The following LIFR variants were observed in gnomAD, a reference collection of about 807,000 sequenced individuals.
LIFR encodes the protein LIF receptor subunit alpha.
A neutral mutation model predicts 122.2 loss-of-function variants in LIFR; 84 were observed. That is an observed-to-expected ratio of 0.69 (90% CI 0.58 to 0.82). The LOEUF (loss-of-function observed/expected upper bound fraction) is 0.82. Among genes scored for constraint, LIFR ranks in the 40% least tolerant of loss-of-function variants. LIFR has a pLI of 0.00. For missense variants in LIFR, 1,294 were observed against 1,311.6 expected (o/e 0.99, Z 0.21); for synonymous variants, 422 against 434.7 (o/e 0.97, Z 0.36).
chr5:38,607,460 A>G (rs1305184881), intron 1 of LIFR: 2 of 151,832 alleles, frequency 1.3e-5, no homozygotes, highest in Non-Finnish European at 2.9e-5. Context: ...TCAAACTCCC[A>G]TCTTCACTCC....
intron 2 of LIFR, among the ~76,000 whole-genome samples, chr5:38,529,128 G>T (rs1180214488): frequency 6.6e-6 from 1 of 151,928 alleles, no homozygotes; most frequent in Non-Finnish European, 1.5e-5. Flanking sequence ...GGGTTAGGCT[G>T]CTATCAAAAA....
chr5:38,502,628 T>C lies in LIFR; in HGVS notation c.1600+9A>G, dbSNP rs1479849800. 8.1e-6 allele frequency: 13 copies of C among 1,605,788 alleles called. No homozygotes were observed. Among genetic ancestry groups the C allele is most frequent in the Non-Finnish European group, 1.1e-5 (13 of 1,173,200 alleles). On this transcript the variant is annotated intron_variant, in intron 11 of 19. Coordinates refer to ENST00000453190, the MANE Select transcript of LIFR (RefSeq NM_001127671.2). ...TAATTATTAGCCATACATCACTTAG[T>C]TAACTTACTGGCTTCTGTTGTTAAA...
At chr5:38,607,500 C>T (rs193067942) in intron 1 of LIFR, 1 of 147,260 alleles carries the variant, frequency 6.8e-6, no homozygotes, top group Non-Finnish European at 1.5e-5. Context: ...CTCTCTCACT[C>T]TCTCTCATAT....
upstream of LIFR, among the ~76,000 whole-genome samples, chr5:38,598,969 C>G (rs993892779): frequency 6.6e-6 from 1 of 152,260 alleles, no homozygotes; most frequent in East Asian, 1.9e-4. Context: ...CTATGATTAT[C>G]CTTATCTTGT....
chr5:38,508,609 C>T (rs1185312060), intron 7 of LIFR, among the ~76,000 whole-genome samples: 1 of 151,772 alleles, frequency 6.6e-6, no homozygotes, highest in Admixed American at 6.6e-5. Flanking sequence ...CGGAGTCTCG[C>T]TCTGTCACCC....
chr5:38,503,910 C>T, intron 10 of LIFR, 66 bp downstream of exon 10: 1 of 1,182,562 alleles, frequency 8.5e-7, no homozygotes, highest in Non-Finnish European at 1.3e-6. Flanking sequence ...TATCAATTTG[C>T]TTAATTCTTT....
chr5:38,522,753 C>T (rs1401280825), intron 5 of LIFR, among the ~76,000 whole-genome samples: 1 of 152,062 alleles, frequency 6.6e-6, no homozygotes, highest in Non-Finnish European at 1.5e-5. Flanking sequence ...ATTATCTTTA[C>T]TATTTTATCT....
At chr5:38,538,248 T>G (rs564190668) in intron 1 of LIFR, among the ~76,000 whole-genome samples, 1 of 152,226 alleles carries the variant, frequency 6.6e-6, no homozygotes, top group African/African-American at 2.4e-5. Context: ...CTTAGCCTAC[T>G]GCTCCTTCTA....
At chr5:38,554,626 G>A (rs1748415218) in intron 1 of LIFR, among the ~76,000 whole-genome samples, 1 of 152,150 alleles carries the variant, frequency 6.6e-6, no homozygotes, top group East Asian at 1.9e-4. Flanking sequence ...GGGAGCTGGT[G>A]CACAGTATAC....
chr5:38,567,494 C>CTTTATTTA (rs1347897581), intron 1 of LIFR, among the ~76,000 whole-genome samples: 4 of 88,312 alleles, frequency 4.5e-5, no homozygotes, highest in Admixed American at 2.3e-4. Flanking sequence ...TATGACCATT[C>CTTTATTTA]TGTATTTATT....
At chr5:38,532,764 C>A (rs1010271825) in intron 1 of LIFR, among the ~76,000 whole-genome samples, 3 of 152,184 alleles carry the variant, frequency 2.0e-5, no homozygotes, top group African/African-American at 7.2e-5. Flanking sequence ...TGGGCCAGAA[C>A]AATACATGAA....
chr5:38,511,163 A>G (rs3099126), intron 6 of LIFR, among the ~76,000 whole-genome samples: 127,263 of 152,104 alleles, frequency 0.84, 53,480 homozygotes, highest in East Asian at 0.98. Flanking sequence ...ACTTTCCATC[A>G]GCCTAAATAT....
rs571242623 is a variant in LIFR, at chr5:38,569,881, G to A, written c.-20+25380C>T. Among the ~76,000 whole-genome samples, 18 of 152,180 alleles carry A rather than the reference G, an allele frequency of 1.2e-4. No individual in the cohort carries two copies. In the East Asian group the frequency reaches 3.1e-3, roughly 26 times the overall value. ...TCTGCCTAGAGTATGTTGCTTATTT[G>A]TTAGCTGGGTAAGTGCAGTAATGAG... On this transcript the variant is annotated intron_variant, in intron 1 of 19. Coordinates refer to the LIFR transcript ENST00000263409.
chr5:38,529,870 A>G (rs1027220971), intron 2 of LIFR, among the ~76,000 whole-genome samples: 1 of 152,230 alleles, frequency 6.6e-6, no homozygotes, highest in Non-Finnish European at 1.5e-5. Context: ...CACTAATCAT[A>G]ATAATAAAGT....
chr5:38,585,431 T>G (rs1749715908), intron 1 of LIFR, among the ~76,000 whole-genome samples: 1 of 152,230 alleles, frequency 6.6e-6, no homozygotes, highest in African/African-American at 2.4e-5. Context: ...GCCAGGGTCA[T>G]GTTTGGAGGT....
intron 7 of LIFR, among the ~76,000 whole-genome samples, chr5:38,507,633 A>G (rs1458780646): frequency 6.6e-6 from 1 of 151,808 alleles, no homozygotes; most frequent in South Asian, 2.1e-4. Context: ...AGAAATTCAT[A>G]TTTCTGTAAT....
chr5:38,482,085 T>A lies in LIFR; in HGVS notation c.2804A>T (p.Asp935Val). ...IISPVAERPE[D>V]RSDAEPENHV... Reference sequence around the variant, plus strand: ...GTTTTCAGGCTCTGCATCAGAGCGATCTTCAGGACGCTCAGCTACTGGGGA... The same window carrying A: ...GTTTTCAGGCTCTGCATCAGAGCGAACTTCAGGACGCTCAGCTACTGGGGA... Residue 935 changes from aspartate to valine, a missense_variant, in exon 20 of 20, where the codon GAT (aspartate) becomes GTT (valine). Physicochemically the swap from Asp to Val is radical, Grantham distance 152. Transcript: ENST00000453190. The A allele has an allele frequency of 1.3e-6, 2 of 1,598,466 alleles. No individual in the cohort carries two copies. Among genetic ancestry groups the A allele is most frequent in the Non-Finnish European group, 1.7e-6 (2 of 1,173,226 alleles).
At chr5:38,597,227 A>G (rs1750123734), upstream of LIFR, among the ~76,000 whole-genome samples, 1 of 152,240 alleles carries the variant, frequency 6.6e-6, no homozygotes, top group Non-Finnish European at 1.5e-5. Flanking sequence ...GTGAGGAAAG[A>G]GCCTTGGTCC....
chr5:38,604,620 G>A (rs1750288699), intron 2 of LIFR, among the ~76,000 whole-genome samples: 1 of 152,046 alleles, frequency 6.6e-6, no homozygotes, highest in South Asian at 2.1e-4. Flanking sequence ...AGAATTCCTT[G>A]AACCTGGGAG....
Sources: gnomAD v4.1 joint callset for allele counts (sites outside exome capture counted in the v4.1 genomes callset) on GRCh38, gnomAD v4.1.1 for gene constraint, MANE v1.5 for transcripts, NCBI Gene and HGNC (gene_info 2026-07-23, HGNC 2026-07-21) for gene names.